Variants in ARHGEF12 observed in about 807,000 individuals in gnomAD.
The protein encoded by ARHGEF12 is KMT2A/ARHGEF12 fusion protein.
In ARHGEF12, 66 loss-of-function variants were observed where a neutral mutation model predicts 211.2. The ratio of observed to expected loss-of-function variants is 0.31; its 90% confidence interval spans 0.26 to 0.38. ARHGEF12 has a LOEUF of 0.38. Among genes scored for constraint, ARHGEF12 ranks in the 10% least tolerant of loss-of-function variants. The pLI is 1.00. For missense variants in ARHGEF12, 1,429 were observed against 1,869.5 expected (o/e 0.76, Z 4.34); for synonymous variants, 592 against 638.4 (o/e 0.93, Z 1.09).
chr11:120,367,352 C>CTTTTTTTTTTTT (rs1458579899), intron 1 of ARHGEF12, among the ~76,000 whole-genome samples: 1 of 82,056 alleles, frequency 1.2e-5, no homozygotes, highest in Non-Finnish European at 2.2e-5. Flanking sequence ...GATACTTTTT[C>CTTTTTTTTTTTT]CTTTTTTTTT....
chr11:120,390,511 A>C (rs1195735029), intron 1 of ARHGEF12, among the ~76,000 whole-genome samples: 1 of 152,212 alleles, frequency 6.6e-6, no homozygotes, highest in Non-Finnish European at 1.5e-5. Context: ...TGGCACATAG[A>C]TATTAACTGA....
At position 120,447,048 on chromosome 11, in the gene ARHGEF12, T is replaced by C; in HGVS notation, c.1552T>C (p.Cys518Arg). The change falls in exon 18 of 41, where the codon TGT becomes CGT. Residue 518 changes from cysteine to arginine, a missense_variant. Cys to Arg is a radical substitution (Grantham distance 180). Transcript: ENST00000397843. Reference sequence around the variant, plus strand: ...ATTGACTTTGGAGAAGGAGCGGACATGTGCAGAACAGATTGTTGCCAAAAT... The same window carrying C: ...ATTGACTTTGGAGAAGGAGCGGACACGTGCAGAACAGATTGTTGCCAAAAT... ...DRLTLEKERTCAEQIVAKIEE... is the reference protein window; with the variant it reads ...DRLTLEKERTRAEQIVAKIEE... 2 of 1,614,126 alleles carry C rather than the reference T, an allele frequency of 1.2e-6. No individual in the cohort carries two copies. The highest frequency in any genetic ancestry group is 1.7e-6 in the Non-Finnish European group (2 of 1,179,996).
Position 120,481,363 on chromosome 11 carries a change from T to A in ARHGEF12, c.4341T>A (p.Ala1447=). ...LTLQPMTGIP[A]VESTHQQQHS... is the part of the protein sequence containing the mutation. ...TGCAGCCCATGACAGGCATCCCTGCTGTGGAATCCACCCACCAGCAGCAAC... is the reference window on the plus strand; with the variant it reads ...TGCAGCCCATGACAGGCATCCCTGCAGTGGAATCCACCCACCAGCAGCAAC... The change falls in exon 39 of 41, where the codon GCT becomes GCA. Residue 1447 remains alanine, a synonymous_variant. Transcript: ENST00000397843. The A allele has an allele frequency of 6.2e-7, 1 of 1,614,210 alleles. No homozygotes were observed. The highest frequency in any genetic ancestry group is 8.5e-7 in the Non-Finnish European group (1 of 1,180,036).
At chr11:120,387,855 G>T (rs1041577588) in intron 1 of ARHGEF12, among the ~76,000 whole-genome samples, 1 of 152,022 alleles carries the variant, frequency 6.6e-6, no homozygotes. Context: ...AAGATATTTC[G>T]TAAGGTATAA....
chr11:120,390,813 C>T (rs1485374282), intron 1 of ARHGEF12, among the ~76,000 whole-genome samples: 4 of 152,092 alleles, frequency 2.6e-5, no homozygotes, highest in Non-Finnish European at 5.9e-5. Context: ...AATCTAAGCT[C>T]CCTCTTCTAC....
chr11:120,381,422 A>G (rs1943874653), intron 1 of ARHGEF12, among the ~76,000 whole-genome samples: 1 of 152,136 alleles, frequency 6.6e-6, no homozygotes, highest in African/African-American at 2.4e-5. Flanking sequence ...ATGAAAAGCA[A>G]ATTTAGAATT....
chr11:120,447,732 C>CT (rs1946083775), intron 18 of ARHGEF12, 142 bp from the exon 19 acceptor site: 1 of 563,182 alleles, frequency 1.8e-6, no homozygotes, highest in Non-Finnish European at 3.1e-6. Context: ...ACGAGAATCA[C>CT]TTGCGCCCAG....
chr11:120,435,056 C>A (rs751466406), intron 11 of ARHGEF12, among the ~76,000 whole-genome samples: 9 of 152,070 alleles, frequency 5.9e-5, no homozygotes, highest in Non-Finnish European at 1.2e-4. Flanking sequence ...TTTCTCAATA[C>A]ACAATTTTAT....
chr11:120,347,136 CTT>C, intron 1 of ARHGEF12, among the ~76,000 whole-genome samples: 1 of 69,184 alleles, frequency 1.4e-5, no homozygotes, highest in Non-Finnish European at 3.0e-5. Flanking sequence ...TCTTTCTTTC[CTT>C]CCTTCCTTCC....
At chr11:120,366,753 G>T (rs1033746161) in intron 1 of ARHGEF12, among the ~76,000 whole-genome samples, 1 of 152,212 alleles carries the variant, frequency 6.6e-6, no homozygotes, top group Admixed American at 6.5e-5. Context: ...GGTGGCTCAC[G>T]CCTGTAATCT....
intron 3 of ARHGEF12, 168 bp downstream of exon 3, chr11:120,407,991 C>G: frequency 1.9e-6 from 1 of 532,988 alleles, no homozygotes; most frequent in Non-Finnish European, 3.3e-6. Flanking sequence ...GGAATGCAAG[C>G]ATTTTTAACT....
chr11:120,447,221 A>T, intron 18 of ARHGEF12, 136 bp downstream of exon 18: 1 of 1,002,426 alleles, frequency 1.0e-6, no homozygotes, highest in Non-Finnish European at 1.3e-6. Flanking sequence ...GTACTTGAGA[A>T]ACTGGATTTT....
At position 120,400,201 on chromosome 11, in the gene ARHGEF12, G is replaced by A. The variant is rs114322463; in HGVS notation, c.33-5917G>A. Among the ~76,000 whole-genome samples, 658 of 151,898 alleles carry A rather than the reference G, an allele frequency of 4.3e-3. 5 individuals carry two copies. The highest frequency in any genetic ancestry group is 0.014 in the African/African-American group (590 of 41,454). Reference sequence around the variant, plus strand: ...GAAAAATGCCCATCCTTGATTAAGGGGATTTTTTTCTACTCTTATTTTTAT... The same window carrying A: ...GAAAAATGCCCATCCTTGATTAAGGAGATTTTTTTCTACTCTTATTTTTAT... On this transcript the variant is annotated intron_variant, in intron 1 of 40. Coordinates refer to ENST00000397843, the MANE Select transcript of ARHGEF12 (RefSeq NM_015313.3).
intron 24 of ARHGEF12, 119 bp downstream of exon 24, chr11:120,457,875 A>G: frequency 1.6e-6 from 2 of 1,225,988 alleles, no homozygotes; most frequent in Non-Finnish European, 2.3e-6. Flanking sequence ...TATGTAGTAT[A>G]AAAGAAAGCT....
In ARHGEF12 at chr11:120,451,542, G is replaced by A. The variant is rs141324681; in HGVS notation, c.1874G>A (p.Arg625His). The A allele has an allele frequency of 4.3e-6, 7 of 1,614,046 alleles. No individual in the cohort carries two copies. The highest frequency in any genetic ancestry group is 1.3e-5 in the African/African-American group (1 of 75,018). Residue 625 changes from arginine to histidine, a missense_variant, in exon 22 of 41, where the codon CGC becomes CAC. Physicochemically the swap from Arg to His is conservative, Grantham distance 29. This residue lies in a region of ARHGEF12 where 373 missense variants were observed against 467.5 expected (regional missense o/e 0.80). Coordinates refer to ENST00000397843, the MANE Select transcript of ARHGEF12 (RefSeq NM_015313.3). ...IGRAMELQKARHPKHLSTPSS... is the reference protein window; with the variant it reads ...IGRAMELQKAHHPKHLSTPSS... ...AGAGCCATGGAACTACAGAAGGCGC[G>A]CCACCCTAAGCACTTATCCACACCC...
chr11:120,372,012 G>T (rs1226371562), intron 1 of ARHGEF12, among the ~76,000 whole-genome samples: 1 of 152,150 alleles, frequency 6.6e-6, no homozygotes, highest in Non-Finnish European at 1.5e-5. Flanking sequence ...CTAAACCAAG[G>T]TTATTTAGAT....
At chr11:120,453,611 A>G (rs1012156546) in intron 22 of ARHGEF12, among the ~76,000 whole-genome samples, 33 of 152,180 alleles carry the variant, frequency 2.2e-4, no homozygotes, top group Admixed American at 1.8e-3. Flanking sequence ...TAGCTAATCA[A>G]GAGGCTGAGG....
chr11:120,407,961 T>A, intron 3 of ARHGEF12, 138 bp downstream of exon 3: 3 of 663,804 alleles, frequency 4.5e-6, no homozygotes, highest in Non-Finnish European at 7.4e-6. Context: ...TATATCATAA[T>A]AAAGCCTTTG....
chr11:120,489,117 A>G lies in ARHGEF12; in HGVS notation c.*4040A>G. ...AAGTTGAGGAGTCGAGGAGCCTGTA[A>G]TTAATTTTCCTGTCAGTGACTGTCA... is the stretch of plus-strand genomic sequence containing the variant. On this transcript the variant is annotated 3_prime_UTR_variant, in exon 41 of 41. Transcript: ENST00000397843. 1 of 226,032 alleles carries G rather than the reference A, an allele frequency of 4.4e-6. No individual in the cohort carries two copies. The highest frequency in any genetic ancestry group is 8.8e-6 in the Non-Finnish European group (1 of 113,370). 14.0% of individuals were successfully genotyped at this position (226,032 alleles called of 1,614,324 possible).
Sources: gnomAD v4.1 joint callset for allele counts (sites outside exome capture counted in the v4.1 genomes callset) on GRCh38, gnomAD v4.1.1 for gene constraint, gnomAD v4.1.1 regional missense constraint, MANE v1.5 for transcripts, NCBI Gene and HGNC (gene_info 2026-07-23, HGNC 2026-07-21) for gene names.